The following SAMD12 variants were observed in gnomAD, a reference collection of about 807,000 sequenced individuals.
SAMD12 encodes the protein sterile alpha motif domain-containing protein 12.
A neutral mutation model predicts 15.0 loss-of-function variants in SAMD12; 9 were observed. That is an observed-to-expected ratio of 0.60 (90% CI 0.36 to 1.05). The LOEUF (loss-of-function observed/expected upper bound fraction) is 1.05, where lower values mean the gene tolerates loss of function less well. Among genes scored for constraint, SAMD12 ranks in the 50% least tolerant of loss-of-function variants. SAMD12 has a pLI of 0.01. For synonymous variants in SAMD12, 86 were observed against 90.1 expected (o/e 0.96, Z 0.25); for missense variants, 230 against 234.2 (o/e 0.98, Z 0.12).
downstream of SAMD12, among the ~76,000 whole-genome samples, chr8:118,377,629 C>G (rs1016258647): frequency 6.6e-6 from 1 of 152,098 alleles, no homozygotes; most frequent in African/African-American, 2.4e-5. Flanking sequence ...GTATATTTAG[C>G]TTAATAGACC....
At chr8:118,552,881 C>A (rs938044085) in intron 2 of SAMD12, among the ~76,000 whole-genome samples, 1 of 151,656 alleles carries the variant, frequency 6.6e-6, no homozygotes, top group Non-Finnish European at 1.5e-5. Context: ...TTCTTATACA[C>A]CAATAACAGA....
At chr8:118,598,599 C>G (rs1479856104) in intron 1 of SAMD12, among the ~76,000 whole-genome samples, 1 of 152,184 alleles carries the variant, frequency 6.6e-6, no homozygotes, top group African/African-American at 2.4e-5. Flanking sequence ...AAAGAAACTA[C>G]TTATTTATTT....
At chr8:118,260,254 G>T (rs9694918) in intron 4 of SAMD12, among the ~76,000 whole-genome samples, 15,180 of 151,986 alleles carry the variant, frequency 0.1, 2,358 homozygotes, top group African/African-American at 0.33. Flanking sequence ...GTGATTTATG[G>T]ATTTGCCTTT....
At chr8:118,457,379 T>G (rs962575758) in intron 2 of SAMD12, among the ~76,000 whole-genome samples, 2 of 151,732 alleles carry the variant, frequency 1.3e-5, no homozygotes, top group African/African-American at 2.4e-5. Context: ...TATAGATTCA[T>G]ACCACAACAC....
At chr8:118,346,961 T>C (rs1817694361) in intron 4 of SAMD12, among the ~76,000 whole-genome samples, 1 of 152,212 alleles carries the variant, frequency 6.6e-6, no homozygotes, top group South Asian at 2.1e-4. Flanking sequence ...TAGAGTACAG[T>C]GGTGCAGTTA....
chr8:118,132,336 C>A, the SAMD12 span, among the ~76,000 whole-genome samples: 2 of 152,188 alleles, frequency 1.3e-5, no homozygotes, highest in Non-Finnish European at 2.9e-5. Context: ...AGTGAGTACT[C>A]CCCATTTACA....
intron 2 of SAMD12, among the ~76,000 whole-genome samples, chr8:118,506,841 G>A (rs1318403071): frequency 6.6e-6 from 1 of 150,674 alleles, no homozygotes; most frequent in African/African-American, 2.4e-5. Context: ...GCTGGGTGAT[G>A]GAGAAGTCCA....
chr8:118,463,793 G>A (rs1404269355), intron 2 of SAMD12, among the ~76,000 whole-genome samples: 1 of 151,906 alleles, frequency 6.6e-6, no homozygotes, highest in Admixed American at 6.6e-5. Flanking sequence ...GGCTTCAGCT[G>A]GGGGGGATCA....
Position 118,379,601 on chromosome 8 carries a change from T to C in SAMD12, c.422A>G (p.Lys141Arg), listed in dbSNP as rs1005585404. The stretch of plus-strand genomic sequence containing the variant: ...TAGATTTCTGACTTCTTCTCGCACC[T>C]TCAGCTGGAGCACCTGTTGTAAGAT... ...QHILQQVLQL[K>R]VREEVRNLQL... The change falls in exon 4 of 4, where the codon AAG becomes AGG. Residue 141 changes from lysine to arginine, a missense_variant. Lys to Arg is a conservative substitution (Grantham distance 26). Transcript: ENST00000314727. The C allele has an allele frequency of 9.3e-6, 15 of 1,613,966 alleles. No individual in the cohort carries two copies. Among genetic ancestry groups the C allele is most frequent in the South Asian group, 2.2e-5 (2 of 91,084 alleles).
At chr8:118,557,952 C>T (rs1172858608) in intron 2 of SAMD12, among the ~76,000 whole-genome samples, 1 of 152,034 alleles carries the variant, frequency 6.6e-6, no homozygotes, top group East Asian at 1.9e-4. Flanking sequence ...TCAGATAACT[C>T]TAGTTCAATA....
In SAMD12 at chr8:118,203,860, C is replaced by T. The variant is rs900197329; in HGVS notation, c.434-6128G>A. Among the ~76,000 whole-genome samples the T allele has an allele frequency of 1.2e-4, 18 of 151,108 alleles. 2 individuals are homozygous for T. Among genetic ancestry groups the T allele is most frequent in the Admixed American group, 1.1e-3 (17 of 15,112 alleles). ...GGTTTTTTGTCCTTGCGATAGTTTG[C>T]TGAGAATAATAGTTTCCAGCTTCAT... is the stretch of plus-strand genomic sequence containing the variant. On this transcript the variant is annotated intron_variant, in intron 4 of 4. Coordinates refer to the SAMD12 transcript ENST00000409003.
intron 4 of SAMD12, among the ~76,000 whole-genome samples, chr8:118,207,619 C>T (rs1219825944): frequency 1.3e-5 from 2 of 152,088 alleles, no homozygotes; most frequent in Non-Finnish European, 1.5e-5. Context: ...GCTTCTACAC[C>T]CCATCTCTCT....
chr8:118,496,167 T>C (rs1586763310), intron 2 of SAMD12, among the ~76,000 whole-genome samples: 1 of 152,198 alleles, frequency 6.6e-6, no homozygotes, highest in South Asian at 2.1e-4. Context: ...ATGATATTCC[T>C]ATCAAACTAC....
At chr8:118,133,371 C>T in the SAMD12 span, among the ~76,000 whole-genome samples, 4 of 151,746 alleles carry the variant, frequency 2.6e-5, no homozygotes, top group African/African-American at 9.7e-5. Flanking sequence ...TTCAGGGATA[C>T]ATGTGCAGGA....
chr8:118,506,241 C>A (rs1489513012), intron 2 of SAMD12, among the ~76,000 whole-genome samples: 2 of 152,142 alleles, frequency 1.3e-5, no homozygotes, highest in African/African-American at 2.4e-5. Context: ...TACCTGCTAA[C>A]CAATGGTTTT....
At chr8:118,245,041 G>A (rs1812654059) in intron 4 of SAMD12, among the ~76,000 whole-genome samples, 2 of 152,070 alleles carry the variant, frequency 1.3e-5, no homozygotes. Context: ...AGAGTTAAGG[G>A]AACTCTGAGA....
At chr8:118,470,761 G>A (rs892677888) in intron 2 of SAMD12, among the ~76,000 whole-genome samples, 2 of 152,138 alleles carry the variant, frequency 1.3e-5, no homozygotes, top group Non-Finnish European at 2.9e-5. Flanking sequence ...GAACATATTA[G>A]AATATGTGAA....
chr8:118,175,013 T>A, the SAMD12 span, among the ~76,000 whole-genome samples: 1 of 134,748 alleles, frequency 7.4e-6, no homozygotes, highest in African/African-American at 2.8e-5. Flanking sequence ...TCAAAAAATT[T>A]AGCAGTAAAG....
intron 2 of SAMD12, among the ~76,000 whole-genome samples, chr8:118,453,052 C>T (rs926299455): frequency 6.6e-6 from 1 of 152,056 alleles, no homozygotes; most frequent in Non-Finnish European, 1.5e-5. Flanking sequence ...ATTTTTTAAC[C>T]TTAAATGATG....
Sources: gnomAD v4.1 joint callset for allele counts (sites outside exome capture counted in the v4.1 genomes callset) on GRCh38, gnomAD v4.1.1 for gene constraint, MANE v1.5 for transcripts, NCBI Gene and HGNC (gene_info 2026-07-23, HGNC 2026-07-21) for gene names.